MPZL1: variants seen among roughly 807,000 people sequenced by gnomAD.
The protein encoded by MPZL1 is myelin protein zero-like protein 1.
In MPZL1, 16 loss-of-function variants were observed where a neutral mutation model predicts 29.3. That is an observed-to-expected ratio of 0.55 (90% CI 0.37 to 0.83). MPZL1 has a LOEUF of 0.83. Among genes scored for constraint, MPZL1 ranks in the 40% least tolerant of loss-of-function variants. MPZL1 has a pLI of 0.00. For missense variants in MPZL1, 279 were observed against 332.9 expected (o/e 0.84, Z 1.26); for synonymous variants, 143 against 132.0 (o/e 1.08, Z -0.57).
chr1:167,771,656 A>G (rs570842831), intron 2 of MPZL1, among the ~76,000 whole-genome samples: 124 of 151,636 alleles, frequency 8.2e-4, no homozygotes, highest in African/African-American at 2.9e-3. Flanking sequence ...GTGGCCGGGC[A>G]GAGGGGCTCC....
intron 4 of MPZL1, among the ~76,000 whole-genome samples, chr1:167,775,318 A>C (rs561505110): frequency 6.6e-6 from 1 of 152,230 alleles, no homozygotes; most frequent in Admixed American, 6.5e-5. Context: ...TTAAAAGTAT[A>C]TATCAAAAGG....
At chr1:167,780,299 G>A (rs1661469941) in intron 5 of MPZL1, among the ~76,000 whole-genome samples, 1 of 152,134 alleles carries the variant, frequency 6.6e-6, no homozygotes, top group Non-Finnish European at 1.5e-5. Context: ...ATAAAAGGTG[G>A]AGATGGACAA....
At chr1:167,723,888 A>G (rs944791232) in intron 1 of MPZL1, among the ~76,000 whole-genome samples, 5 of 152,206 alleles carry the variant, frequency 3.3e-5, no homozygotes, top group African/African-American at 1.2e-4. Flanking sequence ...TATCTTTTAC[A>G]GGATAGCTTC....
chr1:167,767,122 A>G (rs1004994948), intron 2 of MPZL1, among the ~76,000 whole-genome samples: 3 of 152,238 alleles, frequency 2.0e-5, no homozygotes, highest in African/African-American at 7.2e-5. Context: ...CCTATGGAGA[A>G]TGCATAGTCT....
In MPZL1 at chr1:167,729,465, A is replaced by G. The variant is rs904700958; in HGVS notation, c.91+7223A>G. On this transcript the variant is annotated intron_variant, in intron 1 of 5. Coordinates refer to ENST00000359523, the MANE Select transcript of MPZL1 (RefSeq NM_003953.6). Reference sequence around the variant, plus strand: ...GTCAGCTTAGCTTCAATGAGAACCTAGTGACCCTGTGGCCAGACAGTGTCT... The same window carrying G: ...GTCAGCTTAGCTTCAATGAGAACCTGGTGACCCTGTGGCCAGACAGTGTCT... 4.1e-4 allele frequency among the ~76,000 whole-genome samples: 62 copies of G among 152,234 alleles called. 2 individuals are homozygous for G. The highest frequency in any genetic ancestry group is 2.4e-5 in the African/African-American group (1 of 41,458).
chr1:167,775,372 G>A (rs924018899), intron 4 of MPZL1, among the ~76,000 whole-genome samples: 6 of 152,124 alleles, frequency 3.9e-5, no homozygotes, highest in Non-Finnish European at 7.3e-5. Flanking sequence ...AAATCCCTAC[G>A]CTGTACCCCA....
intron 5 of MPZL1, among the ~76,000 whole-genome samples, chr1:167,779,673 T>C (rs1428236226): frequency 6.6e-6 from 1 of 151,950 alleles, no homozygotes; most frequent in Admixed American, 6.6e-5. Flanking sequence ...ATGACAACAG[T>C]AGTACAAAGG....
At chr1:167,762,450 A>T (rs1161469915) in intron 1 of MPZL1, among the ~76,000 whole-genome samples, 1 of 152,248 alleles carries the variant, frequency 6.6e-6, no homozygotes, top group Non-Finnish European at 1.5e-5. Flanking sequence ...AAGAAGATTT[A>T]TGGACAGAAA....
At chr1:167,762,486 G>C (rs1246013798) in intron 1 of MPZL1, among the ~76,000 whole-genome samples, 1 of 152,228 alleles carries the variant, frequency 6.6e-6, no homozygotes, top group Non-Finnish European at 1.5e-5. Flanking sequence ...CAGAAAACGG[G>C]AGTGAGGTAC....
chr1:167,773,399 TGGAG>T, intron 4 of MPZL1, 31 bp downstream of exon 4: 1 of 1,595,822 alleles, frequency 6.3e-7, no homozygotes, highest in Non-Finnish European at 8.5e-7. Flanking sequence ...AGGGCAGGGG[TGGAG>T]GGAGGGAATC....
chr1:167,769,106 G>T (rs969481668), intron 2 of MPZL1, among the ~76,000 whole-genome samples: 6 of 152,196 alleles, frequency 3.9e-5, no homozygotes, highest in African/African-American at 1.4e-4. Flanking sequence ...GGTTTCCTGA[G>T]CCTCACATTC....
intron 1 of MPZL1, among the ~76,000 whole-genome samples, chr1:167,753,341 G>A (rs1238041165): frequency 6.6e-6 from 1 of 152,232 alleles, no homozygotes; most frequent in Non-Finnish European, 1.5e-5. Context: ...GAAAAGCCTA[G>A]TGTGCCATGC....
intron 1 of MPZL1, among the ~76,000 whole-genome samples, chr1:167,728,896 C>G (rs956214015): frequency 2.0e-5 from 3 of 152,130 alleles, no homozygotes; most frequent in African/African-American, 7.2e-5. Flanking sequence ...GATGAACTTG[C>G]AATGAACATT....
At chr1:167,744,557 G>A (rs950094604) in intron 1 of MPZL1, among the ~76,000 whole-genome samples, 5 of 151,610 alleles carry the variant, frequency 3.3e-5, no homozygotes, top group South Asian at 2.1e-4. Context: ...GGTCGTGTGC[G>A]TCTATAATCC....
intron 1 of MPZL1, among the ~76,000 whole-genome samples, chr1:167,728,396 T>TG (rs1357101944): frequency 6.9e-6 from 1 of 144,448 alleles, no homozygotes; most frequent in African/African-American, 2.6e-5. Context: ...TTAGTAGAGA[T>TG]GGGGTTTCAC....
chr1:167,781,154 T>C (rs1251076081), intron 5 of MPZL1, among the ~76,000 whole-genome samples: 1 of 152,278 alleles, frequency 6.6e-6, no homozygotes, highest in East Asian at 1.9e-4. Context: ...TTCACAATCA[T>C]AGTTGGAGGT....
intron 1 of MPZL1, among the ~76,000 whole-genome samples, chr1:167,748,885 T>C (rs1660701760): frequency 6.6e-6 from 1 of 152,260 alleles, no homozygotes; most frequent in African/African-American, 2.4e-5. Flanking sequence ...GTTTTTCTTA[T>C]GATACTATAG....
chr1:167,733,671 G>A (rs941020374), intron 1 of MPZL1, among the ~76,000 whole-genome samples: 3 of 152,114 alleles, frequency 2.0e-5, no homozygotes, highest in African/African-American at 7.2e-5. Flanking sequence ...CTTGAATCCA[G>A]GAGGTGAGGT....
Position 167,745,553 on chromosome 1 carries a change from G to A in MPZL1, c.92-20030G>A, listed in dbSNP as rs562258374. Reference sequence around the variant, plus strand: ...GATTGCCTGGGTCACTATGGGCAAAGAAGCTTTTTTTGTTTTTGTTTAGTT... The same window carrying A: ...GATTGCCTGGGTCACTATGGGCAAAAAAGCTTTTTTTGTTTTTGTTTAGTT... On this transcript the variant is annotated intron_variant, in intron 1 of 5. Coordinates refer to ENST00000359523, the MANE Select transcript of MPZL1 (RefSeq NM_003953.6). Among the ~76,000 whole-genome samples, 47 of 152,152 alleles carry A rather than the reference G, an allele frequency of 3.1e-4. 1 individual carries two copies. The highest frequency in any genetic ancestry group is 7.4e-5 in the Non-Finnish European group (5 of 67,984).
Sources: allele counts gnomAD v4.1 joint callset (sites outside exome capture counted in the v4.1 genomes callset), GRCh38; gene constraint gnomAD v4.1.1; transcripts MANE v1.5; gene names NCBI Gene and HGNC (gene_info 2026-07-23, HGNC 2026-07-21).